The following DSCAM variants were observed in gnomAD, a reference collection of about 807,000 sequenced individuals.
The protein encoded by DSCAM is cell adhesion molecule DSCAM.
Under a neutral mutation model 217.7 loss-of-function variants are expected in DSCAM, and 47 were observed. The observed-to-expected ratio is 0.22, with a 90% CI of 0.17 to 0.28. DSCAM has a LOEUF of 0.28. Ranked by LOEUF, DSCAM falls within the 10% of genes least tolerant of loss-of-function variation. The pLI, the probability that DSCAM is intolerant of heterozygous loss-of-function variation, is 1.00. For synonymous variants in DSCAM, 1,056 were observed against 1,015.3 expected, an observed-to-expected ratio of 1.04 and a Z score of -0.76; for missense variants, 2,080 against 2,618.3, an observed-to-expected ratio of 0.79 and a Z score of 4.49.
chr21:40,462,012 G>C (rs867184213), intron 3 of DSCAM, among the ~76,000 whole-genome samples: 2 of 152,248 alleles, frequency 1.3e-5, no homozygotes, highest in South Asian at 4.2e-4. Context: ...AAGCCACTTA[G>C]GTGTGTGCTA....
chr21:40,510,497 G>A (rs189215383), intron 3 of DSCAM, among the ~76,000 whole-genome samples: 40 of 152,270 alleles, frequency 2.6e-4, no homozygotes, highest in Admixed American at 5.9e-4. Context: ...GAAATCAAAC[G>A]TGACGATTGA....
chr21:40,489,571 G>A (rs1049002328), intron 3 of DSCAM, among the ~76,000 whole-genome samples: 15 of 151,768 alleles, frequency 9.9e-5, no homozygotes, highest in East Asian at 1.9e-4. Context: ...TCAGGAGATC[G>A]AGACCATCCC....
Position 40,055,753 on chromosome 21 carries a change from A to G in DSCAM, c.5007T>C (p.Ile1669=), listed in dbSNP as rs749056896. Residue 1669 remains isoleucine (I), a synonymous_variant, in exon 29 of 33, where the codon ATT becomes ATC. Coordinates refer to ENST00000400454, the MANE Select transcript of DSCAM (RefSeq NM_001389.5). ...TGGTCTCCATCGTGTCTCTCTCTTC[A>G]ATCAAAAGCTGAGCCCTGGGTATGT... ...HIDIPRAQLL[I]EERDTMETID... 6.2e-7 allele frequency: 1 copy of G among 1,613,408 alleles called. No individual in the cohort carries two copies. Among genetic ancestry groups the G allele is most frequent in the East Asian group, 2.2e-5 (1 of 44,868 alleles).
chr21:40,355,590 T>G (rs1449884831), intron 4 of DSCAM, among the ~76,000 whole-genome samples: 1 of 152,216 alleles, frequency 6.6e-6, no homozygotes, highest in Non-Finnish European at 1.5e-5. Context: ...CACCCTGCTC[T>G]CTCTTCTAAT....
At chr21:40,071,461 T>C (rs1044627117) in intron 27 of DSCAM, among the ~76,000 whole-genome samples, 1 of 152,200 alleles carries the variant, frequency 6.6e-6, no homozygotes, top group East Asian at 1.9e-4. Context: ...TCTAACTAGG[T>C]TACTTGTCTA....
intron 1 of DSCAM, among the ~76,000 whole-genome samples, chr21:40,780,196 A>G (rs1256809476): frequency 6.6e-6 from 1 of 152,050 alleles, no homozygotes; most frequent in Non-Finnish European, 1.5e-5. Context: ...GTGCTGAAGC[A>G]CGTGTTCTTT....
intron 3 of DSCAM, among the ~76,000 whole-genome samples, chr21:40,429,594 T>C (rs1187697905): frequency 2.0e-5 from 3 of 152,208 alleles, no homozygotes; most frequent in Non-Finnish European, 4.4e-5. Context: ...GTGTGAACTG[T>C]GGACCCAGAT....
At chr21:40,824,377 T>G (rs1396107999) in intron 1 of DSCAM, among the ~76,000 whole-genome samples, 1 of 150,382 alleles carries the variant, frequency 6.6e-6, no homozygotes, top group Non-Finnish European at 1.5e-5. Context: ...TTCCACAATC[T>G]GCTCCCTATC....
chr21:40,546,734 C>G (rs145284043), intron 3 of DSCAM, among the ~76,000 whole-genome samples: 27 of 152,270 alleles, frequency 1.8e-4, no homozygotes, highest in African/African-American at 6.5e-4. Context: ...CTGTGGGTGA[C>G]ATTTGCTAAA....
intron 3 of DSCAM, among the ~76,000 whole-genome samples, chr21:40,600,218 A>G (rs573655177): frequency 6.6e-6 from 1 of 152,346 alleles, no homozygotes; most frequent in South Asian, 2.1e-4. Context: ...TGCTATAAGA[A>G]AATACCATCA....
At chr21:40,678,424 T>C (rs887000088) in intron 3 of DSCAM, among the ~76,000 whole-genome samples, 1 of 152,194 alleles carries the variant, frequency 6.6e-6, no homozygotes, top group Admixed American at 6.5e-5. Flanking sequence ...ACTTTTCACA[T>C]CTGGGTGCTT....
intron 1 of DSCAM, among the ~76,000 whole-genome samples, chr21:40,757,640 G>A (rs1194138876): frequency 2.0e-5 from 3 of 152,230 alleles, no homozygotes; most frequent in Admixed American, 6.5e-5. Context: ...TAAAGAGCAT[G>A]TGCTGAGGCC....
intron 1 of DSCAM, among the ~76,000 whole-genome samples, chr21:40,739,783 T>A (rs116788513): frequency 1.8e-5 from 1 of 57,006 alleles, no homozygotes; most frequent in African/African-American, 1.8e-4. Context: ...GAGAATTAGT[T>A]TTTTTTTTTT....
At chr21:40,685,915 A>ATGGGAGGAAAC (rs79352750) in intron 3 of DSCAM, among the ~76,000 whole-genome samples, 11,697 of 151,986 alleles carry the variant, frequency 0.077, 468 homozygotes, top group East Asian at 0.11. Context: ...CTGCATATCC[A>ATGGGAGGAAAC]TGGGAGGAAA....
intron 3 of DSCAM, among the ~76,000 whole-genome samples, chr21:40,378,554 ATTTTTTTTTTTTTTTTTTTT>A (rs71186931): frequency 1.7e-4 from 13 of 75,646 alleles, no homozygotes; most frequent in African/African-American, 3.1e-4. Context: ...ATGAAAACTT[ATTTTTTTTTTTTTTTTTTTT>A]TTTTTTTTTT....
chr21:40,156,625 T>C (rs535651098), intron 16 of DSCAM, among the ~76,000 whole-genome samples: 1 of 151,904 alleles, frequency 6.6e-6, no homozygotes, highest in Non-Finnish European at 1.5e-5. Flanking sequence ...TGAGCTGAGG[T>C]TGGAAGAGTG....
chr21:40,050,507 G>T (rs1389066545), intron 30 of DSCAM, among the ~76,000 whole-genome samples: 1 of 150,216 alleles, frequency 6.7e-6, no homozygotes, highest in Non-Finnish European at 1.5e-5. Context: ...TTTGGAGACA[G>T]AGTCTCGCTC....
At chr21:40,733,859 A>C (rs908319250) in intron 1 of DSCAM, among the ~76,000 whole-genome samples, 34 of 152,106 alleles carry the variant, frequency 2.2e-4, no homozygotes, top group Non-Finnish European at 1.3e-4. Context: ...TAGCAAGGCC[A>C]TTGCTGCCAC....
chr21:40,443,661 G>T (rs995626412), intron 3 of DSCAM, among the ~76,000 whole-genome samples: 3 of 152,002 alleles, frequency 2.0e-5, no homozygotes, highest in African/African-American at 7.2e-5. Context: ...GTTTTCATTT[G>T]GTCAATATAA....
Sources: gnomAD v4.1 joint callset for allele counts (sites outside exome capture counted in the v4.1 genomes callset) on GRCh38, gnomAD v4.1.1 for gene constraint, MANE v1.5 for transcripts, NCBI Gene and HGNC (gene_info 2026-07-23, HGNC 2026-07-21) for gene names.